Variants in SNAP23 observed in about 807,000 individuals in gnomAD.
The protein encoded by SNAP23 is synaptosomal-associated protein 23.
A neutral mutation model predicts 29.0 loss-of-function variants in SNAP23; 11 were observed. That is an observed-to-expected ratio of 0.38 (90% confidence interval 0.24 to 0.63). The LOEUF is 0.63. Among genes scored for constraint, SNAP23 ranks in the 20% least tolerant of loss-of-function variants. The probability of loss-of-function intolerance (pLI) is 0.58; values close to 1 mark genes in which losing one functional copy is unlikely to be tolerated. For synonymous variants in SNAP23, 60 were observed against 82.9 expected, an observed-to-expected ratio of 0.72 and a Z score of 1.50; for missense variants, 220 against 253.9, an observed-to-expected ratio of 0.87 and a Z score of 0.91.
chr15:42,529,837 C>A lies in SNAP23; in HGVS notation c.570+18C>A. 1 of 1,608,652 alleles carries A rather than the reference C, an allele frequency of 6.2e-7. No homozygotes were observed. Reference sequence around the variant, plus strand: ...CAGACAAGGTAAAAGCTTTTTATTGCCACAAGAAAATGAGACACCCAGTTC... The same window carrying A: ...CAGACAAGGTAAAAGCTTTTTATTGACACAAGAAAATGAGACACCCAGTTC... On this transcript the variant is annotated intron_variant, in intron 7 of 7. Coordinates refer to ENST00000249647, the MANE Select transcript of SNAP23 (RefSeq NM_003825.4).
intron 7 of SNAP23, 45 bp downstream of exon 7, chr15:42,529,864 G>A: frequency 4.4e-6 from 7 of 1,597,908 alleles, no homozygotes; most frequent in Non-Finnish European, 6.0e-6. Context: ...ACCCAGTTCA[G>A]TGTTTCAGTA....
At chr15:42,510,217 C>T (rs2057349442) in intron 1 of SNAP23, among the ~76,000 whole-genome samples, 1 of 152,054 alleles carries the variant, frequency 6.6e-6, no homozygotes, top group African/African-American at 2.4e-5. Flanking sequence ...CTTACTTCAG[C>T]CTCAACCTCC....
Position 42,515,309 on chromosome 15 carries a change from C to A in SNAP23, c.221C>A (p.Thr74Lys). The A allele has an allele frequency of 6.2e-7, 1 of 1,612,430 alleles. No homozygotes were observed. Among genetic ancestry groups the A allele is most frequent in the Non-Finnish European group, 8.5e-7 (1 of 1,179,116 alleles). Reference sequence around the variant, plus strand: ...ATGAGAGAGACAGAGAAGACTTTAACAGAACTCAACAAATGCTGTGGCCTT... The same window carrying A: ...ATGAGAGAGACAGAGAAGACTTTAAAAGAACTCAACAAATGCTGTGGCCTT... ...KDMRETEKTLTELNKCCGLCV... is the reference protein window; with the variant it reads ...KDMRETEKTLKELNKCCGLCV... Residue 74 changes from threonine to lysine, a missense_variant, in exon 5 of 8, where the codon ACA becomes AAA. Thr to Lys is a moderately conservative substitution (Grantham distance 78). Transcript: ENST00000249647.
rs532450362 is a variant in SNAP23, at chr15:42,519,357, GTTTCT to G, written c.266+4017_266+4021del. Reference sequence around the variant, plus strand: ...AGCATGAGCCACCATGCCTGACCCTGTTTCTTTTCTTTTCTTTTTCTTTTTTTTTT... The same window carrying G: ...AGCATGAGCCACCATGCCTGACCCTGTTTCTTTTCTTTTTCTTTTTTTTTT... On this transcript the variant is annotated intron_variant, in intron 5 of 7. Transcript: ENST00000249647. Among the ~76,000 whole-genome samples the G allele has an allele frequency of 3.4e-4, 49 of 145,624 alleles. No individual in the cohort carries two copies. The South Asian group carries it at 9.6e-3, about 28-fold the overall frequency.
chr15:42,517,638 A>C (rs1334639299), intron 5 of SNAP23, among the ~76,000 whole-genome samples: 1 of 152,190 alleles, frequency 6.6e-6, no homozygotes, highest in Admixed American at 6.6e-5. Context: ...GTGGGAAACA[A>C]GGTAGGGTAT....
At chr15:42,516,735 T>C (rs2057400114) in intron 5 of SNAP23, among the ~76,000 whole-genome samples, 2 of 152,214 alleles carry the variant, frequency 1.3e-5, no homozygotes, top group Non-Finnish European at 1.5e-5. Flanking sequence ...TCAGTAAGTG[T>C]TTTTATGAAA....
At chr15:42,521,739 T>C (rs981470577) in intron 5 of SNAP23, 2 of 696,472 alleles carry the variant, frequency 2.9e-6, no homozygotes, top group Non-Finnish European at 2.5e-6. Flanking sequence ...TCTGTGCATG[T>C]GCATGGATTT....
At position 42,511,843 on chromosome 15, in the gene SNAP23, C is replaced by T; in HGVS notation, c.-4C>T. 6.3e-7 allele frequency: 1 copy of T among 1,578,542 alleles called. No homozygotes were observed. The highest frequency in any genetic ancestry group is 8.6e-7 in the Non-Finnish European group (1 of 1,159,280). The stretch of plus-strand genomic sequence containing the variant: ...TTCTGTGCCTAATAGAGTTTTGATT[C>T]ATCATGGATAATCTGTCATCAGAAG... On this transcript the variant is annotated 5_prime_UTR_variant, in exon 2 of 8. Coordinates refer to ENST00000249647, the MANE Select transcript of SNAP23 (RefSeq NM_003825.4).
At chr15:42,526,530 C>T (rs984285430) in intron 5 of SNAP23, among the ~76,000 whole-genome samples, 2 of 152,008 alleles carry the variant, frequency 1.3e-5, no homozygotes, top group Admixed American at 6.6e-5. Context: ...CTAGGTTTGC[C>T]GAAAATGAAT....
At chr15:42,491,213 A>G (rs1476038936), upstream of SNAP23, 1 of 152,308 alleles carries the variant, frequency 6.6e-6, no homozygotes, top group Non-Finnish European at 1.5e-5. Flanking sequence ...TTTGAACACA[A>G]GAGAGTGAAC....
At chr15:42,522,328 C>A (rs1005803602) in intron 5 of SNAP23, among the ~76,000 whole-genome samples, 1 of 152,096 alleles carries the variant, frequency 6.6e-6, no homozygotes, top group African/African-American at 2.4e-5. Flanking sequence ...TCTATAATTC[C>A]TGTTACATCA....
chr15:42,496,551 T>C (rs1055548398), intron 1 of SNAP23, among the ~76,000 whole-genome samples: 10 of 152,008 alleles, frequency 6.6e-5, no homozygotes, highest in African/African-American at 2.4e-4. Context: ...ATCCCATCTC[T>C]ACTAAAAATA....
chr15:42,515,898 G>A (rs1480824323), intron 5 of SNAP23, among the ~76,000 whole-genome samples: 2 of 152,206 alleles, frequency 1.3e-5, no homozygotes, highest in African/African-American at 4.8e-5. Context: ...GAAGAGGTAG[G>A]ATGTGGATTG....
At chr15:42,528,792 A>C (rs927020452) in intron 6 of SNAP23, among the ~76,000 whole-genome samples, 1 of 151,790 alleles carries the variant, frequency 6.6e-6, no homozygotes, top group Non-Finnish European at 1.5e-5. Flanking sequence ...CACCATGTTG[A>C]CCAGGCTGGT....
chr15:42,509,645 G>A (rs1197473820), intron 1 of SNAP23, among the ~76,000 whole-genome samples: 1 of 151,976 alleles, frequency 6.6e-6, no homozygotes, highest in Non-Finnish European at 1.5e-5. Flanking sequence ...TCACCATGTC[G>A]ATCAAGCTGG....
At chr15:42,504,772 T>C (rs1233815296) in intron 1 of SNAP23, among the ~76,000 whole-genome samples, 2 of 152,230 alleles carry the variant, frequency 1.3e-5, no homozygotes, top group Non-Finnish European at 2.9e-5. Flanking sequence ...ACAAATACAT[T>C]GTGAGGCTGG....
intron 1 of SNAP23, among the ~76,000 whole-genome samples, chr15:42,510,125 AT>A (rs2057348678): frequency 6.6e-6 from 1 of 152,122 alleles, no homozygotes; most frequent in South Asian, 2.1e-4. Context: ...AACTGAAAAG[AT>A]TTAAATTTTT....
rs1158969519 is a variant in SNAP23, at chr15:42,525,451, CTTTTTTTTTTTTTT to C, written c.267-2794_267-2781del. Among the ~76,000 whole-genome samples the C allele has an allele frequency of 2.5e-4, 12 of 47,194 alleles. 1 individual carries two copies. The East Asian group carries it at 2.8e-3, about 11-fold the overall frequency. The allele number at this position is 47,194 out of a possible 152,430, so 31.0% of individuals were successfully genotyped here. ...AGAACATCTTCAAAGATCCAGTCTT[CTTTTTTTTTTTTTT>C]TTTTTTTTTTTTTTTTGAGACGGAG... On this transcript the variant is annotated intron_variant, in intron 5 of 7. Transcript: ENST00000249647.
upstream of SNAP23, among the ~76,000 whole-genome samples, chr15:42,493,241 C>A (rs534059365): frequency 2.0e-5 from 3 of 152,116 alleles, no homozygotes; most frequent in East Asian, 5.8e-4. Context: ...ACTCAGGAGG[C>A]TGAGGTGGGA....
Sources: allele counts gnomAD v4.1 joint callset (sites outside exome capture counted in the v4.1 genomes callset), GRCh38; gene constraint gnomAD v4.1.1; transcripts MANE v1.5; gene names NCBI Gene and HGNC (gene_info 2026-07-23, HGNC 2026-07-21).